The following MPPED1 variants were observed in gnomAD, a reference collection of about 807,000 sequenced individuals.
The protein encoded by MPPED1 is metallophosphoesterase domain-containing protein 1.
Under a neutral mutation model 36.2 loss-of-function variants are expected in MPPED1, and 16 were observed. The observed-to-expected ratio is 0.44, with a 90% CI of 0.30 to 0.67. The LOEUF is 0.67. MPPED1 is among the 30% of genes least tolerant of loss of function. The pLI is 0.10. For missense variants in MPPED1, 307 were observed against 453.4 expected (o/e 0.68, Z 2.93); for synonymous variants, 199 against 191.3 (o/e 1.04, Z -0.33).
intron 2 of MPPED1, among the ~76,000 whole-genome samples, chr22:43,430,508 C>T (rs932273633): frequency 2.6e-5 from 4 of 152,222 alleles, no homozygotes; most frequent in South Asian, 2.1e-4. Context: ...GGTCTGGCGT[C>T]GGAGGCCGTG....
At chr22:43,492,425 C>T (rs1176881111) in intron 4 of MPPED1, among the ~76,000 whole-genome samples, 1 of 152,072 alleles carries the variant, frequency 6.6e-6, no homozygotes, top group Non-Finnish European at 1.5e-5. Flanking sequence ...GAGACGGTGC[C>T]CACTAATGGG....
intron 2 of MPPED1, among the ~76,000 whole-genome samples, chr22:43,429,398 T>C (rs778776048): frequency 6.6e-6 from 1 of 152,260 alleles, no homozygotes; most frequent in Non-Finnish European, 1.5e-5. Context: ...CCTGTCCTGC[T>C]GGGCAACAGA....
At chr22:43,433,355 G>A (rs992935146) in intron 2 of MPPED1, among the ~76,000 whole-genome samples, 3 of 152,292 alleles carry the variant, frequency 2.0e-5, no homozygotes, top group Admixed American at 6.5e-5. Context: ...GTGAGCAGGG[G>A]TCAGCCTGGT....
At chr22:43,437,913 C>A (rs74996090) in intron 3 of MPPED1, among the ~76,000 whole-genome samples, 46 of 152,258 alleles carry the variant, frequency 3.0e-4, no homozygotes, top group Middle Eastern at 3.4e-3. Context: ...TGGAACAACA[C>A]ATGTGTTACA....
Position 43,473,599 on chromosome 22 carries a change from A to G in MPPED1, c.407-1137A>G, listed in dbSNP as rs1931447797. The stretch of plus-strand genomic sequence containing the variant: ...ATTTTTTATCCAAATCAGGGCTTAC[A>G]GGTACCATCTTGACTCTCCAGGCCC... On this transcript the variant is annotated intron_variant, in intron 3 of 6. Coordinates refer to ENST00000443721, the MANE Select transcript of MPPED1 (RefSeq NM_001044370.2). 2.0e-5 allele frequency among the ~76,000 whole-genome samples: 3 copies of G among 152,166 alleles called. No individual in the cohort carries two copies. In the East Asian group the frequency reaches 5.8e-4, roughly 29 times the overall value.
chr22:43,487,191 G>A (rs917941111), intron 4 of MPPED1, among the ~76,000 whole-genome samples: 1 of 152,204 alleles, frequency 6.6e-6, no homozygotes, highest in Non-Finnish European at 1.5e-5. Flanking sequence ...GGGGACACCT[G>A]TGCTGGGGGA....
Position 43,505,719 on chromosome 22 carries a change from G to T in MPPED1, c.*103G>T. ...AGTTGCCTGGACGACCCATCTGGCT[G>T]CGGGGACTGGCCTAGCAGGCAGGTC... On this transcript the variant is annotated 3_prime_UTR_variant, in exon 7 of 7. Transcript: ENST00000443721. 9.8e-7 allele frequency: 1 copy of T among 1,022,978 alleles called. No individual in the cohort carries two copies. 63.4% of individuals were successfully genotyped at this position (1,022,978 alleles called of 1,614,324 possible). A position where few individuals can be genotyped will look rare whatever the true frequency, so the allele number is the denominator to read the frequency against.
chr22:43,475,610 G>T (rs1403592224), intron 4 of MPPED1, among the ~76,000 whole-genome samples: 16 of 126,548 alleles, frequency 1.3e-4, no homozygotes, highest in Non-Finnish European at 2.7e-4. Flanking sequence ...GGTGATGATG[G>T]TGGTGATGGT....
chr22:43,441,083 C>T (rs1056970234), intron 3 of MPPED1, among the ~76,000 whole-genome samples: 12 of 152,182 alleles, frequency 7.9e-5, no homozygotes, highest in Non-Finnish European at 8.8e-5. Context: ...CTCTCTCATC[C>T]AGCCACTGCA....
intron 3 of MPPED1, among the ~76,000 whole-genome samples, chr22:43,449,422 A>ACCCCCCCCCCCCCCCCCCCCCCCCCACCC (rs135045): frequency 7.9e-6 from 1 of 127,332 alleles, no homozygotes; most frequent in Non-Finnish European, 1.6e-5. Context: ...GACAGTGCCA[A>ACCCCCCCCCCCCCCCCCCCCCCCCCACCC]CCCCCCCCGC....
intron 4 of MPPED1, among the ~76,000 whole-genome samples, chr22:43,487,906 C>T (rs746427084): frequency 3.9e-5 from 6 of 152,052 alleles, no homozygotes; most frequent in South Asian, 2.1e-4. Context: ...GTGGGCAGGG[C>T]GGTGGGGCGG....
At chr22:43,494,294 C>T (rs1231449306) in intron 4 of MPPED1, among the ~76,000 whole-genome samples, 2 of 152,204 alleles carry the variant, frequency 1.3e-5, no homozygotes, top group African/African-American at 2.4e-5. Flanking sequence ...CCTGTCTCAG[C>T]CTCCCAAAGC....
intron 3 of MPPED1, among the ~76,000 whole-genome samples, chr22:43,471,450 G>T (rs564422072): frequency 2.4e-4 from 36 of 152,286 alleles, no homozygotes; most frequent in Non-Finnish European, 4.7e-4. Flanking sequence ...CTGGACCAGC[G>T]TCCCCCTCCA....
intron 4 of MPPED1, among the ~76,000 whole-genome samples, chr22:43,495,937 GGAGGTA>G (rs1932313851): frequency 7.0e-6 from 1 of 142,056 alleles, no homozygotes; most frequent in Non-Finnish European, 1.6e-5. Flanking sequence ...AGGTGATGGT[GGAGGTA>G]GTGGTGGTGG....
intron 3 of MPPED1, among the ~76,000 whole-genome samples, chr22:43,437,296 C>T (rs1476514239): frequency 6.7e-6 from 1 of 150,038 alleles, no homozygotes. Context: ...CTCAGGTTTA[C>T]TGAGCATTTA....
At chr22:43,415,659 A>G (rs1286613739) in intron 1 of MPPED1, among the ~76,000 whole-genome samples, 1 of 152,220 alleles carries the variant, frequency 6.6e-6, no homozygotes, top group East Asian at 1.9e-4. Flanking sequence ...TCATCATCAT[A>G]AATAGAAGCA....
At chr22:43,417,344 G>A (rs75231919) in intron 1 of MPPED1, among the ~76,000 whole-genome samples, 2,565 of 152,098 alleles carry the variant, frequency 0.017, 76 homozygotes, top group African/African-American at 0.059. Flanking sequence ...TGATTGGGAA[G>A]GAGATCAAAC....
chr22:43,500,372 G>T (rs1932683233), intron 5 of MPPED1, among the ~76,000 whole-genome samples: 2 of 150,608 alleles, frequency 1.3e-5, no homozygotes, highest in African/African-American at 4.9e-5. Context: ...TGGTGATGGG[G>T]GTGGTGGTGG....
chr22:43,491,700 G>GA (rs1569087207), intron 4 of MPPED1, among the ~76,000 whole-genome samples: 4 of 149,006 alleles, frequency 2.7e-5, no homozygotes, highest in Non-Finnish European at 6.0e-5. Flanking sequence ...GGTGGTGGTG[G>GA]TGATGGAGGT....
Sources: allele counts gnomAD v4.1 joint callset (sites outside exome capture counted in the v4.1 genomes callset), GRCh38; gene constraint gnomAD v4.1.1; transcripts MANE v1.5; gene names NCBI Gene and HGNC (gene_info 2026-07-23, HGNC 2026-07-21).